ANKRD6: variants seen among roughly 807,000 people sequenced by gnomAD.
ANKRD6 encodes ankyrin repeat domain-containing protein 6.
In ANKRD6, 56 loss-of-function variants were observed where a neutral mutation model predicts 82.3. That is an observed-to-expected ratio of 0.68 (90% CI 0.55 to 0.85). The LOEUF is 0.85. Ranked by LOEUF, ANKRD6 falls within the 40% of genes least tolerant of loss-of-function variation. The probability of loss-of-function intolerance (pLI) is 0.00; values close to 1 mark genes in which losing one functional copy is unlikely to be tolerated. For synonymous variants in ANKRD6, 347 were observed against 352.1 expected (o/e 0.99, Z 0.16); for missense variants, 852 against 907.6 (o/e 0.94, Z 0.79).
intron 1 of ANKRD6, among the ~76,000 whole-genome samples, chr6:89,566,598 A>T (rs1357234129): frequency 6.6e-6 from 1 of 152,200 alleles, no homozygotes; most frequent in African/African-American, 2.4e-5. Flanking sequence ...ACTCCTCCGG[A>T]GGATGTCCCT....
intron 1 of ANKRD6, among the ~76,000 whole-genome samples, chr6:89,534,809 A>G (rs1317702911): frequency 2.6e-5 from 4 of 152,296 alleles, no homozygotes; most frequent in Admixed American, 6.5e-5. Flanking sequence ...TGTTGTGCAG[A>G]AAATATAGAA....
chr6:89,499,636 G>C (rs922484786), intron 1 of ANKRD6, among the ~76,000 whole-genome samples: 2 of 152,084 alleles, frequency 1.3e-5, no homozygotes, highest in Non-Finnish European at 2.9e-5. Context: ...AGACAGTGCC[G>C]TACCACAAAT....
At position 89,433,303 on chromosome 6, in the gene ANKRD6, C is replaced by T. The variant is rs1347924687; in HGVS notation, c.-216C>T. On this transcript the variant is annotated 5_prime_UTR_variant, in exon 1 of 16. Coordinates refer to ENST00000339746, the MANE Select transcript of ANKRD6 (RefSeq NM_001242809.2). The surrounding 1 kb of genome is among the most constrained non-coding windows in gnomAD (Gnocchi z 4.3). ...GGAGCCAGCGGGAGCCAGTCCCCGT[C>T]TTCGCCCCTCGCCCCCCACCGTGTC... 1 of 152,140 alleles carries T rather than the reference C, an allele frequency of 6.6e-6. No individual in the cohort carries two copies. The highest frequency in any genetic ancestry group is 2.4e-5 in the African/African-American group (1 of 41,416). 9.4% of individuals were successfully genotyped at this position (152,140 alleles called of 1,614,324 possible).
At chr6:89,551,364 T>G (rs901943991) in intron 1 of ANKRD6, among the ~76,000 whole-genome samples, 1 of 152,246 alleles carries the variant, frequency 6.6e-6, no homozygotes. Flanking sequence ...CCATGCTGTT[T>G]GTTTTGACAT....
intron 1 of ANKRD6, among the ~76,000 whole-genome samples, chr6:89,488,422 A>T (rs943279162): frequency 1.3e-5 from 2 of 152,180 alleles, no homozygotes; most frequent in African/African-American, 4.8e-5. Context: ...TGCACTCCAG[A>T]CTGAGGGACA....
chr6:89,608,368 C>CACACACTATA, intron 5 of ANKRD6, among the ~76,000 whole-genome samples: 7 of 130,814 alleles, frequency 5.4e-5, no homozygotes, highest in Admixed American at 3.7e-4. Context: ...CACACACACA[C>CACACACTATA]TATATATATA....
intron 1 of ANKRD6, among the ~76,000 whole-genome samples, chr6:89,477,528 T>C (rs1776192497): frequency 1.3e-5 from 2 of 151,650 alleles, no homozygotes; most frequent in South Asian, 4.2e-4. Flanking sequence ...TCCCAGCAGT[T>C]TGGGAGGCCG....
At chr6:89,543,788 G>A (rs191598067) in intron 1 of ANKRD6, among the ~76,000 whole-genome samples, 1 of 152,292 alleles carries the variant, frequency 6.6e-6, no homozygotes, top group Admixed American at 6.5e-5. Context: ...TAACACACGT[G>A]TCAGTTTCTG....
intron 2 of ANKRD6, among the ~76,000 whole-genome samples, chr6:89,577,589 G>T (rs1791415207): frequency 6.6e-6 from 1 of 152,180 alleles, no homozygotes; most frequent in Non-Finnish European, 1.5e-5. Context: ...CCCAGGCAGA[G>T]TATCATTTCC....
At chr6:89,456,564 A>G (rs1019048506) in intron 1 of ANKRD6, among the ~76,000 whole-genome samples, 3 of 152,104 alleles carry the variant, frequency 2.0e-5, no homozygotes, top group African/African-American at 7.2e-5. Context: ...CCTCATTTTA[A>G]CTTAATTACC....
intron 3 of ANKRD6, chr6:89,598,237 C>A: frequency 1.0e-6 from 1 of 985,366 alleles, no homozygotes; most frequent in Non-Finnish European, 1.2e-6. Flanking sequence ...TTTCTTGCTT[C>A]CTGCCAATCG....
intron 2 of ANKRD6, among the ~76,000 whole-genome samples, chr6:89,592,933 G>A (rs1277656022): frequency 6.6e-6 from 1 of 152,148 alleles, no homozygotes; most frequent in Non-Finnish European, 1.5e-5. Flanking sequence ...AATTAGCTGG[G>A]CATGGTGGCA....
At chr6:89,555,565 C>T (rs1786477816) in intron 1 of ANKRD6, among the ~76,000 whole-genome samples, 1 of 152,012 alleles carries the variant, frequency 6.6e-6, no homozygotes, top group Non-Finnish European at 1.5e-5. Context: ...ATTAGGAGAA[C>T]CTTTAAGAGG....
chr6:89,456,530 C>T (rs1441188131), intron 1 of ANKRD6, among the ~76,000 whole-genome samples: 1 of 152,156 alleles, frequency 6.6e-6, no homozygotes, highest in Non-Finnish European at 1.5e-5. Context: ...TCCAGTCAGA[C>T]TGGGTTAGGG....
intron 3 of ANKRD6, among the ~76,000 whole-genome samples, chr6:89,599,684 AT>A (rs1235882484): frequency 6.6e-6 from 1 of 152,200 alleles, no homozygotes; most frequent in Non-Finnish European, 1.5e-5. Flanking sequence ...GGAAGAATAG[AT>A]CCAAGATGAT....
chr6:89,434,694 G>A (rs1241617386), intron 1 of ANKRD6, among the ~76,000 whole-genome samples: 2 of 152,056 alleles, frequency 1.3e-5, no homozygotes, highest in African/African-American at 4.8e-5. Flanking sequence ...CAAAGTGTTG[G>A]GATTACAGGT....
chr6:89,550,744 T>G (rs1785724199), intron 1 of ANKRD6, among the ~76,000 whole-genome samples: 1 of 152,094 alleles, frequency 6.6e-6, no homozygotes, highest in Non-Finnish European at 1.5e-5. Flanking sequence ...TCACTTAAGG[T>G]CAGGAGTTCG....
intron 2 of ANKRD6, among the ~76,000 whole-genome samples, 186 bp from the exon 3 acceptor site, chr6:89,595,730 T>C (rs774431359): frequency 6.6e-6 from 1 of 152,144 alleles, no homozygotes. Context: ...GCAATGACAA[T>C]AGCCAAGGTT....
Position 89,532,481 on chromosome 6 carries a change from C to T in ANKRD6, c.-143-34353C>T, listed in dbSNP as rs1022670810. The stretch of plus-strand genomic sequence containing the variant: ...CAAATTTCCCTGGCTAGGTTTATTC[C>T]CTCTGATATATGTCACCAGAGCACA... On this transcript the variant is annotated intron_variant, in intron 1 of 15. Coordinates refer to ENST00000339746, the MANE Select transcript of ANKRD6 (RefSeq NM_001242809.2). Among the ~76,000 whole-genome samples the T allele has an allele frequency of 2.6e-5, 4 of 152,046 alleles. No individual in the cohort carries two copies. The East Asian group carries it at 7.7e-4, about 29-fold the overall frequency.
Sources: gnomAD v4.1 joint callset for allele counts (sites outside exome capture counted in the v4.1 genomes callset) on GRCh38, gnomAD v4.1.1 for gene constraint, Gnocchi (gnomAD v3.1) non-coding constraint, MANE v1.5 for transcripts, NCBI Gene and HGNC (gene_info 2026-07-23, HGNC 2026-07-21) for gene names.